The following KIAA1217 variants were observed in gnomAD, a reference collection of about 807,000 sequenced individuals.
The protein encoded by KIAA1217 is sickle tail protein homolog.
In KIAA1217, 88 loss-of-function variants were observed where a neutral mutation model predicts 163.9. The ratio of observed to expected loss-of-function variants is 0.54; its 90% confidence interval spans 0.45 to 0.64. The LOEUF is 0.64. KIAA1217 is among the 30% of genes least tolerant of loss of function. The probability of loss-of-function intolerance (pLI) is 0.00; values close to 1 mark genes in which losing one functional copy is unlikely to be tolerated. For synonymous variants in KIAA1217, 903 were observed against 923.1 expected (o/e 0.98, Z 0.39); for missense variants, 2,372 against 2,475.0 (o/e 0.96, Z 0.88).
chr10:23,969,330 C>T (rs923011340), intron 1 of KIAA1217, among the ~76,000 whole-genome samples: 1 of 152,200 alleles, frequency 6.6e-6, no homozygotes, highest in African/African-American at 2.4e-5. Flanking sequence ...CCACCGCGCC[C>T]AGTCCGAAAC....
intron 16 of KIAA1217, among the ~76,000 whole-genome samples, chr10:24,534,177 G>C (rs577184944): frequency 7.7e-4 from 118 of 152,300 alleles, no homozygotes; most frequent in African/African-American, 2.5e-3. Flanking sequence ...TACTGCACTT[G>C]TTCTACTCTG....
intron 2 of KIAA1217, among the ~76,000 whole-genome samples, chr10:24,322,267 T>TA (rs2044270107): frequency 1.3e-5 from 2 of 152,114 alleles, no homozygotes; most frequent in Non-Finnish European, 2.9e-5. Context: ...AATTTATTTT[T>TA]AAAAAAGCAA....
intron 2 of KIAA1217, among the ~76,000 whole-genome samples, chr10:24,250,550 A>G (rs983810946): frequency 6.6e-6 from 1 of 150,644 alleles, no homozygotes; most frequent in African/African-American, 2.4e-5. Context: ...CTCCTGCTTC[A>G]GCCTCTGGAG....
intron 2 of KIAA1217, among the ~76,000 whole-genome samples, chr10:24,373,571 C>A (rs1202712109): frequency 6.6e-6 from 1 of 152,260 alleles, no homozygotes; most frequent in South Asian, 2.1e-4. Context: ...TTGTTTCTGA[C>A]AACCACAAGG....
At chr10:24,443,376 T>A (rs1004891701) in intron 5 of KIAA1217, among the ~76,000 whole-genome samples, 2 of 152,206 alleles carry the variant, frequency 1.3e-5, no homozygotes, top group African/African-American at 4.8e-5. Context: ...GCTGAAATTA[T>A]AGCCTTCATT....
intron 3 of KIAA1217, among the ~76,000 whole-genome samples, chr10:24,404,566 CAAAAAAAAAAAAAA>C (rs57209065): frequency 0.028 from 1,413 of 51,274 alleles, 24 homozygotes; most frequent in African/African-American, 0.085. Context: ...GACTCTGTCT[CAAAAAAAAAAAAAA>C]AAAAAAAAAA....
At chr10:24,416,564 C>T (rs2058267963) in intron 3 of KIAA1217, among the ~76,000 whole-genome samples, 1 of 152,198 alleles carries the variant, frequency 6.6e-6, no homozygotes, top group Non-Finnish European at 1.5e-5. Context: ...ATCAAGCTAA[C>T]AAACTATTAG....
At position 24,376,016 on chromosome 10, in the gene KIAA1217, A is replaced by G. The variant is rs527390340; in HGVS notation, c.355-4853A>G. The stretch of plus-strand genomic sequence containing the variant: ...CTTTGTTGTTATCTCCAAATCCAAT[A>G]GCATTGCAAAGAATATGAATAAATC... On this transcript the variant is annotated intron_variant, in intron 2 of 20. Coordinates refer to ENST00000376454, the MANE Select transcript of KIAA1217 (RefSeq NM_019590.5). 8.5e-5 allele frequency among the ~76,000 whole-genome samples: 13 copies of G among 152,356 alleles called. No homozygotes were observed. The South Asian group carries it at 2.7e-3, about 32-fold the overall frequency.
intron 1 of KIAA1217, among the ~76,000 whole-genome samples, chr10:23,881,462 G>A (rs779515365): frequency 1.3e-5 from 2 of 151,830 alleles, no homozygotes; most frequent in Non-Finnish European, 2.9e-5. Flanking sequence ...AGTAGTTTGG[G>A]GAAATGATGA....
chr10:23,714,952 G>A (rs1356088664), intron 1 of KIAA1217, among the ~76,000 whole-genome samples: 1 of 152,184 alleles, frequency 6.6e-6, no homozygotes, highest in African/African-American at 2.4e-5. Context: ...GACAATTAAA[G>A]TTGACCCTTC....
At chr10:23,905,980 G>A (rs572883549) in intron 1 of KIAA1217, among the ~76,000 whole-genome samples, 2 of 152,214 alleles carry the variant, frequency 1.3e-5, no homozygotes, top group South Asian at 4.2e-4. Context: ...CAAGGTGCTG[G>A]TAGGTTGAGT....
intron 2 of KIAA1217, among the ~76,000 whole-genome samples, chr10:24,086,556 C>T (rs907862809): frequency 6.6e-6 from 1 of 152,080 alleles, no homozygotes; most frequent in Non-Finnish European, 1.5e-5. Flanking sequence ...TCTAAGTGAA[C>T]TTGGAAGAAA....
intron 6 of KIAA1217, chr10:24,481,380 G>A (rs2064668558): frequency 6.6e-6 from 1 of 152,136 alleles, no homozygotes; most frequent in South Asian, 2.1e-4. Flanking sequence ...TTTTGGCTTT[G>A]GTGATGCCCA....
intron 2 of KIAA1217, among the ~76,000 whole-genome samples, chr10:24,200,680 AAGG>A: frequency 6.6e-6 from 1 of 152,230 alleles, no homozygotes. Context: ...GAATTCTGTA[AAGG>A]AGAAGAGGGG....
intron 1 of KIAA1217, among the ~76,000 whole-genome samples, chr10:23,751,269 C>T (rs1003324801): frequency 6.6e-6 from 1 of 152,136 alleles, no homozygotes; most frequent in Non-Finnish European, 1.5e-5. Context: ...CTCAAGCTCT[C>T]TGCCTGCCTC....
At chr10:23,984,799 G>T (rs1229370872) in intron 1 of KIAA1217, among the ~76,000 whole-genome samples, 1 of 151,904 alleles carries the variant, frequency 6.6e-6, no homozygotes, top group Non-Finnish European at 1.5e-5. Flanking sequence ...ATTAGGACAA[G>T]TACCTAATGC....
At chr10:23,920,443 T>G (rs1369345343) in intron 1 of KIAA1217, among the ~76,000 whole-genome samples, 1 of 152,160 alleles carries the variant, frequency 6.6e-6, no homozygotes, top group African/African-American at 2.4e-5. Context: ...AACCTGAGCT[T>G]TTTGGGTGGA....
At chr10:23,841,661 C>T (rs553296990) in intron 1 of KIAA1217, among the ~76,000 whole-genome samples, 2 of 151,368 alleles carry the variant, frequency 1.3e-5, no homozygotes, top group African/African-American at 4.8e-5. Context: ...TTTATTTTGT[C>T]CCAATAAGCA....
At chr10:23,881,178 C>T (rs553963456) in intron 1 of KIAA1217, among the ~76,000 whole-genome samples, 1 of 151,552 alleles carries the variant, frequency 6.6e-6, no homozygotes, top group Non-Finnish European at 1.5e-5. Flanking sequence ...GAAAGGTAAA[C>T]ACATTTCTTA....
Sources: gnomAD v4.1 joint callset for allele counts (sites outside exome capture counted in the v4.1 genomes callset) on GRCh38, gnomAD v4.1.1 for gene constraint, MANE v1.5 for transcripts, NCBI Gene and HGNC (gene_info 2026-07-23, HGNC 2026-07-21) for gene names.